Variants in CTTNBP2NL observed in about 807,000 individuals in gnomAD.
CTTNBP2NL encodes CTTNBP2 N-terminal like.
A neutral mutation model predicts 32.5 loss-of-function variants in CTTNBP2NL; 16 were observed. The observed-to-expected ratio is 0.49, with a 90% confidence interval of 0.33 to 0.75. CTTNBP2NL has a LOEUF of 0.75. CTTNBP2NL is among the 30% of genes least tolerant of loss of function. The pLI is 0.02. For synonymous variants in CTTNBP2NL, 298 were observed against 289.4 expected, an observed-to-expected ratio of 1.03 and a Z score of -0.30; for missense variants, 645 against 756.0, an observed-to-expected ratio of 0.85 and a Z score of 1.72.
At chr1:112,453,004 G>A (rs1367424253) in intron 4 of CTTNBP2NL, among the ~76,000 whole-genome samples, 2 of 142,036 alleles carry the variant, frequency 1.4e-5, no homozygotes, top group Non-Finnish European at 3.0e-5. Flanking sequence ...AGTCTCAGCT[G>A]CTCAGGAGGC....
intron 3 of CTTNBP2NL, among the ~76,000 whole-genome samples, chr1:112,445,765 T>C (rs1257434061): frequency 6.6e-6 from 1 of 152,222 alleles, no homozygotes; most frequent in African/African-American, 2.4e-5. Context: ...TCTTTGTCTA[T>C]TACTCATAAC....
At chr1:112,442,115 G>GT (rs1204123213) in intron 3 of CTTNBP2NL, among the ~76,000 whole-genome samples, 1 of 151,932 alleles carries the variant, frequency 6.6e-6, no homozygotes, top group African/African-American at 2.4e-5. Flanking sequence ...AAAAAATAAT[G>GT]TTTTTTGTTT....
At chr1:112,403,463 T>G (rs1357969313) in intron 1 of CTTNBP2NL, among the ~76,000 whole-genome samples, 1 of 152,210 alleles carries the variant, frequency 6.6e-6, no homozygotes, top group East Asian at 1.9e-4. Context: ...GAGTAGTTGT[T>G]CAGATGAGTT....
intron 3 of CTTNBP2NL, 56 bp downstream of exon 3, chr1:112,416,320 A>T: frequency 1.1e-6 from 1 of 910,992 alleles, no homozygotes; most frequent in Non-Finnish European, 1.7e-6. Context: ...GTCATTCATT[A>T]GTTTTAATTT....
intron 1 of CTTNBP2NL, among the ~76,000 whole-genome samples, chr1:112,410,025 G>A (rs1213832290): frequency 6.6e-6 from 1 of 152,188 alleles, no homozygotes; most frequent in Non-Finnish European, 1.5e-5. Context: ...AAGATTTCAT[G>A]GTGGGATGAA....
chr1:112,416,503 C>CTT (rs11384993), intron 3 of CTTNBP2NL, among the ~76,000 whole-genome samples: 66 of 145,714 alleles, frequency 4.5e-4, no homozygotes, highest in South Asian at 6.5e-4. Context: ...GAACTTCATT[C>CTT]TTTTTTTTTT....
At position 112,431,973 on chromosome 1, in the gene CTTNBP2NL, C is replaced by T. The variant is rs115798023; in HGVS notation, c.99+15709C>T. Among the ~76,000 whole-genome samples, 1,285 of 150,448 alleles carry T rather than the reference C, an allele frequency of 8.5e-3. 22 individuals are homozygous for T. Among genetic ancestry groups the T allele is most frequent in the African/African-American group, 0.03 (1,230 of 40,942 alleles). On this transcript the variant is annotated intron_variant, in intron 3 of 5. Coordinates refer to ENST00000271277, the MANE Select transcript of CTTNBP2NL (RefSeq NM_018704.3). Reference sequence around the variant, plus strand: ...AACTTAAATTAGAAAAAGAAATGGTCTGGAAGGATACCTAACATACTAAGA... The same window carrying T: ...AACTTAAATTAGAAAAAGAAATGGTTTGGAAGGATACCTAACATACTAAGA...
intron 1 of CTTNBP2NL, among the ~76,000 whole-genome samples, chr1:112,411,627 G>T (rs1011221254): frequency 6.6e-5 from 10 of 152,066 alleles, no homozygotes; most frequent in Non-Finnish European, 1.3e-4. Flanking sequence ...GGGAGGTGAG[G>T]AGATGAGAAT....
At chr1:112,423,155 T>C (rs994568403) in intron 3 of CTTNBP2NL, among the ~76,000 whole-genome samples, 6 of 152,306 alleles carry the variant, frequency 3.9e-5, no homozygotes, top group Admixed American at 6.5e-5. Flanking sequence ...TTTTAAGTTA[T>C]TTGTTTTCTC....
At position 112,439,589 on chromosome 1, in the gene CTTNBP2NL, C is replaced by T. The variant is rs149408154; in HGVS notation, c.100-9353C>T. Among the ~76,000 whole-genome samples, 17 of 152,238 alleles carry T rather than the reference C, an allele frequency of 1.1e-4. No homozygotes were observed. The East Asian group carries it at 1.5e-3, about 14-fold the overall frequency. ...TAAAATATATTAACCTTGAAGTTTT[C>T]GGCACTGTCTGTTAATGGTGAGTGA... On this transcript the variant is annotated intron_variant, in intron 3 of 5. Coordinates refer to ENST00000271277, the MANE Select transcript of CTTNBP2NL (RefSeq NM_018704.3).
In CTTNBP2NL at chr1:112,416,141, G is replaced by A. The variant is rs116494436; in HGVS notation, c.-9-16G>A. 4.5e-4 allele frequency: 577 copies of A among 1,295,206 alleles called. 4 individuals are homozygous for A. In the African/African-American group the frequency reaches 7.7e-3, roughly 17 times the overall value. 80.2% of individuals were successfully genotyped at this position (1,295,206 alleles called of 1,614,324 possible). ...CTATGTCTTTGGAGATTGTCTGATT[G>A]TTACCTTTGTTTCAGGCTTTCAAGA... On this transcript the variant is annotated splice_polypyrimidine_tract_variant and intron_variant, in intron 2 of 5. Coordinates refer to ENST00000271277, the MANE Select transcript of CTTNBP2NL (RefSeq NM_018704.3).
chr1:112,429,617 A>G (rs1649502106), intron 3 of CTTNBP2NL, among the ~76,000 whole-genome samples: 3 of 152,206 alleles, frequency 2.0e-5, no homozygotes, highest in African/African-American at 7.2e-5. Context: ...ATGTTCTTAG[A>G]GCTAATCTTT....
chr1:112,424,212 T>C (rs1649321549), intron 3 of CTTNBP2NL, among the ~76,000 whole-genome samples: 1 of 152,250 alleles, frequency 6.6e-6, no homozygotes, highest in Non-Finnish European at 1.5e-5. Context: ...TGTTATATAG[T>C]ACAATGCATG....
Position 112,448,993 on chromosome 1 carries a change from A to T in CTTNBP2NL, c.151A>T (p.Ser51Cys). Residue 51 changes from serine to cysteine, a missense_variant, in exon 4 of 6, where the codon AGT becomes TGT. Transcript: ENST00000271277. Reference sequence around the variant, plus strand: ...AGAACGCTATGGAAAATATAACATCAGTGATCCTTTAATGGCTCTACAGAG... The same window carrying T: ...AGAACGCTATGGAAAATATAACATCTGTGATCCTTTAATGGCTCTACAGAG... ...IEERYGKYNI[S>C]DPLMALQRDF... 6.2e-7 allele frequency: 1 copy of T among 1,613,618 alleles called. No homozygotes were observed. The highest frequency in any genetic ancestry group is 8.5e-7 in the Non-Finnish European group (1 of 1,179,480).
chr1:112,455,904 A>G, intron 5 of CTTNBP2NL, 27 bp from the exon 6 acceptor site: 2 of 1,537,460 alleles, frequency 1.3e-6, no homozygotes, highest in South Asian at 1.2e-5. Context: ...GTTTGTCAGT[A>G]TGTCTCTCTT....
chr1:112,401,318 G>A (rs767559081), intron 1 of CTTNBP2NL, among the ~76,000 whole-genome samples: 6 of 152,172 alleles, frequency 3.9e-5, no homozygotes, highest in Non-Finnish European at 1.5e-5. Flanking sequence ...GTCTTGGAGT[G>A]TGTGTATTTA....
chr1:112,392,021 A>AAATAAATAAATAAAC (rs1557880138), upstream of CTTNBP2NL, among the ~76,000 whole-genome samples: 4 of 131,944 alleles, frequency 3.0e-5, no homozygotes, highest in African/African-American at 1.6e-4. Context: ...AATAAATAAA[A>AAATAAATAAATAAAC]TAAGTCCAAA....
At chr1:112,450,545 A>C (rs1650184763) in intron 4 of CTTNBP2NL, among the ~76,000 whole-genome samples, 1 of 152,172 alleles carries the variant, frequency 6.6e-6, no homozygotes, top group African/African-American at 2.4e-5. Flanking sequence ...CTTGTTTAAT[A>C]GGCAGGCTTT....
At chr1:112,405,934 C>A (rs1250186344) in intron 1 of CTTNBP2NL, among the ~76,000 whole-genome samples, 1 of 152,088 alleles carries the variant, frequency 6.6e-6, no homozygotes, top group African/African-American at 2.4e-5. Flanking sequence ...GCCTGTAATC[C>A]CAGCACTTTG....
Sources: allele counts gnomAD v4.1 joint callset (sites outside exome capture counted in the v4.1 genomes callset), GRCh38; gene constraint gnomAD v4.1.1; transcripts MANE v1.5; gene names NCBI Gene and HGNC (gene_info 2026-07-23, HGNC 2026-07-21).